SAMTOR: variants seen among roughly 807,000 people sequenced by gnomAD.
SAMTOR encodes the protein UPF0532 protein C7orf60.
At chr7:112,906,870 G>A in the SAMTOR span, among the ~76,000 whole-genome samples, 6 of 151,976 alleles carry the variant, frequency 3.9e-5, no homozygotes, top group African/African-American at 7.2e-5. Flanking sequence ...ATGCCCGGCC[G>A]ACGTATCTTT....
chr7:112,925,833 C>T, the SAMTOR span, among the ~76,000 whole-genome samples: 1 of 150,836 alleles, frequency 6.6e-6, no homozygotes, highest in Non-Finnish European at 1.5e-5. Context: ...AGACAAAGAC[C>T]TGGGTCCATG....
chr7:112,870,717 C>T, the SAMTOR span, among the ~76,000 whole-genome samples: 1 of 150,406 alleles, frequency 6.6e-6, no homozygotes, highest in African/African-American at 2.5e-5. Flanking sequence ...GACCTAAATG[C>T]TCCATTAGAA....
the SAMTOR span, among the ~76,000 whole-genome samples, chr7:112,914,378 G>A: frequency 6.6e-6 from 1 of 150,590 alleles, no homozygotes; most frequent in African/African-American, 2.4e-5. Context: ...TCACCACCGG[G>A]GCAATAAGCA....
the SAMTOR span, among the ~76,000 whole-genome samples, chr7:112,926,911 C>T: frequency 6.6e-6 from 1 of 151,968 alleles, no homozygotes; most frequent in African/African-American, 2.4e-5. Flanking sequence ...ACTGTGTATA[C>T]ATTTTGTTAA....
chr7:112,843,934 T>G, the SAMTOR span, among the ~76,000 whole-genome samples: 190 of 152,182 alleles, frequency 1.2e-3, no homozygotes, highest in Non-Finnish European at 2.1e-3. Flanking sequence ...TCCACCACAG[T>G]CAAGTAGGCT....
chr7:112,821,173 A>T, the SAMTOR span: 1 of 152,520 alleles, frequency 6.6e-6, no homozygotes, highest in Non-Finnish European at 1.5e-5. Flanking sequence ...ATAAGGAAGA[A>T]ATAAAAAGAA....
the SAMTOR span, among the ~76,000 whole-genome samples, chr7:112,875,205 C>T: frequency 2.6e-5 from 4 of 152,136 alleles, no homozygotes; most frequent in African/African-American, 4.8e-5. Context: ...ACTCTTCCTG[C>T]TGTTCTCCTT....
the SAMTOR span, among the ~76,000 whole-genome samples, chr7:112,886,624 T>C: frequency 6.6e-6 from 1 of 152,206 alleles, no homozygotes; most frequent in African/African-American, 2.4e-5. Context: ...GTACAAAGTC[T>C]CTATGCTATT....
the SAMTOR span, among the ~76,000 whole-genome samples, chr7:112,860,241 A>G: frequency 1.3e-5 from 2 of 152,074 alleles, no homozygotes; most frequent in African/African-American, 4.8e-5. Flanking sequence ...GTGAAAGTAC[A>G]CTCTATGTTC....
the SAMTOR span, among the ~76,000 whole-genome samples, chr7:112,825,556 C>T: frequency 6.6e-6 from 1 of 152,156 alleles, no homozygotes; most frequent in African/African-American, 2.4e-5. Context: ...CCTTGCTAAA[C>T]TCATTTGTTA....
the SAMTOR span, among the ~76,000 whole-genome samples, chr7:112,929,257 T>C: frequency 1.3e-5 from 2 of 151,484 alleles, no homozygotes; most frequent in Admixed American, 6.6e-5. Context: ...AAACAAATAA[T>C]CTGACTAAAA....
the SAMTOR span, among the ~76,000 whole-genome samples, chr7:112,860,809 G>A: frequency 6.6e-6 from 1 of 151,626 alleles, no homozygotes; most frequent in East Asian, 1.9e-4. Flanking sequence ...CTACTCGGGA[G>A]GCTGGGACAG....
At chr7:112,880,441 C>T in the SAMTOR span, among the ~76,000 whole-genome samples, 3,488 of 152,156 alleles carry the variant, frequency 0.023, 65 homozygotes, top group Admixed American at 0.042. Flanking sequence ...AGGTAAGTAA[C>T]TGTAAAGAAG....
chr7:112,884,441 ACT>A, the SAMTOR span, among the ~76,000 whole-genome samples: 1 of 152,194 alleles, frequency 6.6e-6, no homozygotes, highest in South Asian at 2.1e-4. Flanking sequence ...CAAGTTAGTT[ACT>A]TCCTAGATAC....
chr7:112,887,722 G>A, the SAMTOR span, among the ~76,000 whole-genome samples: 1 of 152,122 alleles, frequency 6.6e-6, no homozygotes, highest in Non-Finnish European at 1.5e-5. Flanking sequence ...TATCAAATAT[G>A]TAGTCGTAGA....
At chr7:112,867,904 C>T in the SAMTOR span, among the ~76,000 whole-genome samples, 4 of 152,186 alleles carry the variant, frequency 2.6e-5, no homozygotes, top group African/African-American at 9.7e-5. Flanking sequence ...GGTGAGCGGC[C>T]AGTAAGCATT....
the SAMTOR span, chr7:112,822,069 T>G: frequency 6.2e-7 from 1 of 1,613,658 alleles, no homozygotes. Flanking sequence ...GCCCAGGGAC[T>G]CTATAGCAAT....
chr7:112,876,266 T>C, the SAMTOR span, among the ~76,000 whole-genome samples: 46 of 151,792 alleles, frequency 3.0e-4, no homozygotes, highest in East Asian at 8.6e-3. Flanking sequence ...GGACTGCAGT[T>C]GAGACTTCTG....
chr7:112,905,086 C>T, the SAMTOR span, among the ~76,000 whole-genome samples: 4 of 152,160 alleles, frequency 2.6e-5, no homozygotes, highest in African/African-American at 9.7e-5. Context: ...CAGACAACAA[C>T]GGACAGCCTC....
Sources: gnomAD v4.1 joint callset for allele counts (sites outside exome capture counted in the v4.1 genomes callset) on GRCh38, gnomAD v4.1.1 for gene constraint, MANE v1.5 for transcripts, NCBI Gene and HGNC (gene_info 2026-07-23, HGNC 2026-07-21) for gene names.